GALNTL6: variants seen among roughly 807,000 people sequenced by gnomAD.
The protein encoded by GALNTL6 is polypeptide N-acetylgalactosaminyltransferase like 6, also known as polypeptide N-acetylgalactosaminyltransferase-like 6.
A neutral mutation model predicts 73.7 loss-of-function variants in GALNTL6; 46 were observed. That is an observed-to-expected ratio of 0.62 (90% CI 0.49 to 0.80). The LOEUF (loss-of-function observed/expected upper bound fraction) is 0.80. Ranked by LOEUF, GALNTL6 falls within the 30% of genes least tolerant of loss-of-function variation. GALNTL6 has a pLI of 0.00. For missense variants in GALNTL6, 604 were observed against 755.0 expected, an observed-to-expected ratio of 0.80 and a Z score of 2.34; for synonymous variants, 259 against 263.7, an observed-to-expected ratio of 0.98 and a Z score of 0.17.
chr4:172,833,986 G>A lies in GALNTL6; in HGVS notation c.923+20263G>A, dbSNP rs574230735. Among the ~76,000 whole-genome samples the A allele has an allele frequency of 6.6e-5, 10 of 152,266 alleles. No individual in the cohort carries two copies. The South Asian group carries it at 1.5e-3, about 22-fold the overall frequency. ...AACAAAAATAGCTGAGCGTGGTGGC[G>A]CATGCCTGTAATCCCAGTTACTCAG... On this transcript the variant is annotated intron_variant, in intron 7 of 12. Coordinates refer to ENST00000506823, the MANE Select transcript of GALNTL6 (RefSeq NM_001034845.3).
intron 5 of GALNTL6, among the ~76,000 whole-genome samples, chr4:172,578,820 T>C (rs756058706): frequency 6.6e-6 from 1 of 152,232 alleles, no homozygotes; most frequent in Non-Finnish European, 1.5e-5. Context: ...GATGTGGTTA[T>C]TAGATTAGTG....
At chr4:172,229,138 A>G (rs1012219182) in intron 2 of GALNTL6, among the ~76,000 whole-genome samples, 3 of 152,170 alleles carry the variant, frequency 2.0e-5, no homozygotes, top group South Asian at 2.1e-4. Context: ...GGGATTTACA[A>G]CTCGAGGCTA....
intron 2 of GALNTL6, among the ~76,000 whole-genome samples, chr4:172,120,633 C>T (rs368770892): frequency 2.0e-5 from 3 of 151,726 alleles, no homozygotes; most frequent in African/African-American, 4.8e-5. Context: ...TTCACCCTAA[C>T]ACACAAGAGT....
intron 3 of GALNTL6, among the ~76,000 whole-genome samples, chr4:172,281,298 T>C (rs1739046166): frequency 6.6e-6 from 1 of 152,234 alleles, no homozygotes; most frequent in Admixed American, 6.5e-5. Flanking sequence ...TTTTCCTAGC[T>C]CCTAGAGACT....
intron 5 of GALNTL6, among the ~76,000 whole-genome samples, chr4:172,791,480 AT>A (rs1407775673): frequency 6.6e-6 from 1 of 152,204 alleles, no homozygotes; most frequent in Non-Finnish European, 1.5e-5. Flanking sequence ...TAACTTTAAA[AT>A]AATCACCTGA....
At chr4:172,032,390 G>GA (rs1193186398) in intron 2 of GALNTL6, among the ~76,000 whole-genome samples, 1 of 151,974 alleles carries the variant, frequency 6.6e-6, no homozygotes, top group Non-Finnish European at 1.5e-5. Flanking sequence ...GACTTGGAGG[G>GA]AAAATAAAAG....
rs1430273948 is a variant in GALNTL6, at chr4:173,041,217, G to C, written c.*1117G>C. 1.3e-5 allele frequency: 2 copies of C among 150,176 alleles called. No homozygotes were observed. The highest frequency in any genetic ancestry group is 3.0e-5 in the Non-Finnish European group (2 of 67,634). The allele number at this position is 150,176 out of a possible 1,614,324, so 9.3% of individuals were successfully genotyped here. ...ATTTTTTTCTTGTTTTTTTTTTGTA[G>C]TGTTGAATTAATGATGTTCTTTTAT... On this transcript the variant is annotated 3_prime_UTR_variant, in exon 13 of 13. Transcript: ENST00000506823.
At chr4:172,175,697 A>C (rs1318613035) in intron 2 of GALNTL6, among the ~76,000 whole-genome samples, 2 of 152,208 alleles carry the variant, frequency 1.3e-5, no homozygotes, top group Non-Finnish European at 2.9e-5. Flanking sequence ...ACATTTTTCA[A>C]AATATTTTTC....
chr4:172,877,158 T>C, intron 7 of GALNTL6, among the ~76,000 whole-genome samples: 1 of 152,304 alleles, frequency 6.6e-6, no homozygotes, highest in Middle Eastern at 3.4e-3. Flanking sequence ...AATTTTTTAA[T>C]AAAATTCTTT....
At chr4:172,524,505 A>G (rs1341442548) in intron 5 of GALNTL6, among the ~76,000 whole-genome samples, 3 of 152,198 alleles carry the variant, frequency 2.0e-5, no homozygotes, top group African/African-American at 7.2e-5. Context: ...ACTGCATAGC[A>G]TTCCATTGCA....
At chr4:171,968,842 G>GC (rs1560863967) in intron 2 of GALNTL6, among the ~76,000 whole-genome samples, 29 of 94,898 alleles carry the variant, frequency 3.1e-4, no homozygotes, top group Non-Finnish European at 7.5e-4. Context: ...TGTGCGGGGT[G>GC]GGGGGGGGGT....
intron 2 of GALNTL6, among the ~76,000 whole-genome samples, chr4:171,889,880 C>T (rs146720325): frequency 5.6e-4 from 85 of 152,070 alleles, no homozygotes; most frequent in Admixed American, 4.3e-3. Context: ...GACTCACATA[C>T]GGTATGTTTT....
chr4:172,765,974 A>G (rs1237868769), intron 5 of GALNTL6, among the ~76,000 whole-genome samples: 2 of 152,214 alleles, frequency 1.3e-5, no homozygotes, highest in Admixed American at 1.3e-4. Context: ...ATATTAGAGA[A>G]AGAAAAAAGG....
intron 3 of GALNTL6, among the ~76,000 whole-genome samples, chr4:172,259,164 A>G (rs1738174065): frequency 1.3e-5 from 2 of 151,216 alleles, no homozygotes; most frequent in Admixed American, 1.3e-4. Flanking sequence ...TACTTTTAGT[A>G]TTTTAAGGAA....
At chr4:172,289,031 A>G (rs538612000) in intron 3 of GALNTL6, among the ~76,000 whole-genome samples, 1 of 152,024 alleles carries the variant, frequency 6.6e-6, no homozygotes, top group Non-Finnish European at 1.5e-5. Flanking sequence ...TGACTTCATT[A>G]TTGTCTTTCA....
At chr4:173,022,204 G>GAAGGAAGA in intron 12 of GALNTL6, among the ~76,000 whole-genome samples, 1 of 128,788 alleles carries the variant, frequency 7.8e-6, no homozygotes, top group Non-Finnish European at 1.6e-5. Flanking sequence ...AGGAAGGAAG[G>GAAGGAAGA]AAGGAAGGAA....
intron 2 of GALNTL6, among the ~76,000 whole-genome samples, chr4:171,818,003 T>C (rs985186704): frequency 2.0e-5 from 3 of 151,596 alleles, no homozygotes; most frequent in African/African-American, 7.2e-5. Flanking sequence ...ATGATATAAG[T>C]ATCTCCTTTA....
At chr4:171,954,496 T>G (rs558771160) in intron 2 of GALNTL6, among the ~76,000 whole-genome samples, 1 of 152,200 alleles carries the variant, frequency 6.6e-6, no homozygotes, top group African/African-American at 2.4e-5. Flanking sequence ...AGAATACAGA[T>G]GCTTCTGATT....
At chr4:172,831,831 C>G (rs1310452809) in intron 7 of GALNTL6, among the ~76,000 whole-genome samples, 1 of 152,176 alleles carries the variant, frequency 6.6e-6, no homozygotes, top group Non-Finnish European at 1.5e-5. Context: ...CAGAGTTCAC[C>G]TTCTCTCTCC....
Sources: gnomAD v4.1 joint callset for allele counts (sites outside exome capture counted in the v4.1 genomes callset) on GRCh38, gnomAD v4.1.1 for gene constraint, MANE v1.5 for transcripts, NCBI Gene and HGNC (gene_info 2026-07-23, HGNC 2026-07-21) for gene names.